PDZD2: variants seen among roughly 807,000 people sequenced by gnomAD.
The protein encoded by PDZD2 is PDZ domain-containing protein 2.
PDZD2 carries 90 observed loss-of-function variants against 220.7 expected under a neutral mutation model. That is an observed-to-expected ratio of 0.41 (90% confidence interval 0.34 to 0.49). PDZD2 has a LOEUF of 0.49. Ranked by LOEUF, PDZD2 falls within the 20% of genes least tolerant of loss-of-function variation. PDZD2 has a pLI of 0.28. For synonymous variants in PDZD2, 1,375 were observed against 1,450.5 expected (o/e 0.95, Z 1.18); for missense variants, 3,174 against 3,608.5 (o/e 0.88, Z 3.08).
intron 19 of PDZD2, among the ~76,000 whole-genome samples, chr5:32,084,005 A>G (rs1742217713): frequency 6.6e-6 from 1 of 152,180 alleles, no homozygotes; most frequent in South Asian, 2.1e-4. Context: ...AACAGAGTTT[A>G]AATCCCCTCC....
At chr5:31,654,751 G>T (rs1391572819) in intron 1 of PDZD2, among the ~76,000 whole-genome samples, 1 of 152,134 alleles carries the variant, frequency 6.6e-6, no homozygotes, top group Non-Finnish European at 1.5e-5. Context: ...GAATCTCCCA[G>T]TTGCTGTTGT....
chr5:31,901,276 G>C (rs1226184013), intron 2 of PDZD2, among the ~76,000 whole-genome samples: 1 of 152,098 alleles, frequency 6.6e-6, no homozygotes, highest in African/African-American at 2.4e-5. Flanking sequence ...AAATTAGCCA[G>C]GCGTGGTGGC....
At chr5:31,874,961 C>A (rs1739174930) in intron 2 of PDZD2, among the ~76,000 whole-genome samples, 1 of 152,098 alleles carries the variant, frequency 6.6e-6, no homozygotes, top group African/African-American at 2.4e-5. Context: ...TAGTGCATAT[C>A]CTTCCAGTCT....
At chr5:31,769,323 C>A (rs992574396) in intron 1 of PDZD2, among the ~76,000 whole-genome samples, 1 of 152,212 alleles carries the variant, frequency 6.6e-6, no homozygotes, top group African/African-American at 2.4e-5. Flanking sequence ...TTTAGCAGGA[C>A]CTGTTTCACC....
At chr5:31,641,545 A>T (rs1418753798) in intron 1 of PDZD2, among the ~76,000 whole-genome samples, 1 of 142,638 alleles carries the variant, frequency 7.0e-6, no homozygotes, top group African/African-American at 2.9e-5. Context: ...GATGTGTGAG[A>T]TATTTTTTTT....
At chr5:31,797,458 A>G (rs1163460772) in intron 1 of PDZD2, among the ~76,000 whole-genome samples, 1 of 151,854 alleles carries the variant, frequency 6.6e-6, no homozygotes, top group Non-Finnish European at 1.5e-5. Context: ...GTCTGGGATT[A>G]CACACGCCTG....
chr5:31,900,266 G>A (rs7736502), intron 2 of PDZD2, among the ~76,000 whole-genome samples: 62,405 of 152,084 alleles, frequency 0.41, 14,267 homozygotes, highest in Non-Finnish European at 0.52. Context: ...CTGGGGTTGT[G>A]TCAGGCAGTC....
chr5:32,013,904 C>T (rs531149051), intron 6 of PDZD2, among the ~76,000 whole-genome samples: 3 of 152,160 alleles, frequency 2.0e-5, no homozygotes, highest in Non-Finnish European at 2.9e-5. Context: ...CTTGAGTTCT[C>T]GTTGCAGCCC....
chr5:32,037,457 A>AT, intron 7 of PDZD2, 115 bp downstream of exon 7: 1 of 648,828 alleles, frequency 1.5e-6, no homozygotes, highest in Non-Finnish European at 2.7e-6. Context: ...CCTCAAAATC[A>AT]TTTTTACCTT....
chr5:31,938,754 A>G (rs2150400199), intron 2 of PDZD2, among the ~76,000 whole-genome samples: 1 of 152,234 alleles, frequency 6.6e-6, no homozygotes, highest in South Asian at 2.1e-4. Flanking sequence ...ATTGCCCTCT[A>G]AGAAAGCTTA....
At chr5:31,975,820 T>TTTTTTTG (rs1561238424) in intron 2 of PDZD2, among the ~76,000 whole-genome samples, 2 of 134,730 alleles carry the variant, frequency 1.5e-5, no homozygotes, top group African/African-American at 5.6e-5. Context: ...TTTTTTTTTT[T>TTTTTTTG]TGAGACAAGG....
At chr5:31,710,951 C>T (rs387444) in intron 1 of PDZD2, among the ~76,000 whole-genome samples, 1 of 151,908 alleles carries the variant, frequency 6.6e-6, no homozygotes, top group Non-Finnish European at 1.5e-5. Context: ...TAAAATAAAA[C>T]GTACATGTTG....
At chr5:31,775,363 C>G (rs931213210) in intron 1 of PDZD2, among the ~76,000 whole-genome samples, 4 of 151,766 alleles carry the variant, frequency 2.6e-5, no homozygotes, top group Admixed American at 6.6e-5. Flanking sequence ...TAATGTGATG[C>G]TGCAGAAGCA....
intron 1 of PDZD2, among the ~76,000 whole-genome samples, chr5:31,720,025 C>T (rs1748694379): frequency 6.6e-6 from 1 of 152,168 alleles, no homozygotes; most frequent in South Asian, 2.1e-4. Flanking sequence ...ATCTTTCACT[C>T]ATATCAGTGC....
chr5:31,641,767 G>A (rs1205182008), intron 1 of PDZD2, among the ~76,000 whole-genome samples: 1 of 152,108 alleles, frequency 6.6e-6, no homozygotes, highest in Non-Finnish European at 1.5e-5. Context: ...GGAATTAGAG[G>A]CATGAGTCAC....
At chr5:31,672,099 CA>C (rs1321829887) in intron 1 of PDZD2, among the ~76,000 whole-genome samples, 2 of 152,066 alleles carry the variant, frequency 1.3e-5, no homozygotes, top group Non-Finnish European at 2.9e-5. Context: ...TAGTGATGAC[CA>C]AAAATGTCTC....
At chr5:32,040,531 A>AGCGG (rs2112244119) in intron 7 of PDZD2, among the ~76,000 whole-genome samples, 1 of 133,550 alleles carries the variant, frequency 7.5e-6, no homozygotes, top group South Asian at 2.5e-4. Flanking sequence ...CTGGGAGATG[A>AGCGG]GGAGCGCCTC....
chr5:32,014,142 C>T (rs1303192378), intron 6 of PDZD2, among the ~76,000 whole-genome samples: 1 of 152,196 alleles, frequency 6.6e-6, no homozygotes, highest in East Asian at 1.9e-4. Context: ...AAATGTGGTA[C>T]TGTTTTAATC....
chr5:31,645,646 T>C (rs562340690), intron 1 of PDZD2, among the ~76,000 whole-genome samples: 4 of 152,290 alleles, frequency 2.6e-5, no homozygotes, highest in Middle Eastern at 3.4e-3. Context: ...GTCTCATTTT[T>C]ACCAACACTT....
Sources: allele counts gnomAD v4.1 joint callset (sites outside exome capture counted in the v4.1 genomes callset), GRCh38; gene constraint gnomAD v4.1.1; transcripts MANE v1.5; gene names NCBI Gene and HGNC (gene_info 2026-07-23, HGNC 2026-07-21).